Variants in SNRPN observed in about 807,000 individuals in gnomAD.
The protein encoded by SNRPN is small nuclear ribonucleoprotein-associated protein N.
Under a neutral mutation model 25.2 loss-of-function variants are expected in SNRPN, and 7 were observed. The ratio of observed to expected loss-of-function variants is 0.28; its 90% confidence interval spans 0.16 to 0.52. The LOEUF is 0.52. Ranked by LOEUF, SNRPN falls within the 20% of genes least tolerant of loss-of-function variation. SNRPN has a pLI of 0.96. For synonymous variants in SNRPN, 124 were observed against 110.6 expected, an observed-to-expected ratio of 1.12 and a Z score of -0.76; for missense variants, 196 against 322.5, an observed-to-expected ratio of 0.61 and a Z score of 3.00.
intron 2 of SNRPN, among the ~76,000 whole-genome samples, chr15:24,839,742 A>T (rs1220444430): frequency 6.6e-6 from 1 of 152,140 alleles, no homozygotes; most frequent in Non-Finnish European, 1.5e-5. Context: ...CACCATCAGC[A>T]GGCTTGTCTT....
chr15:24,853,721 G>A (rs76208906), upstream of SNRPN, among the ~76,000 whole-genome samples: 2,425 of 152,106 alleles, frequency 0.016, 48 homozygotes, highest in African/African-American at 0.047. Flanking sequence ...GACTACACAG[G>A]GAAATTGCCA....
intron 2 of SNRPN, among the ~76,000 whole-genome samples, chr15:24,834,728 C>CCTCCCTCTCT (rs1555376613): frequency 2.3e-5 from 1 of 42,774 alleles, no homozygotes; most frequent in East Asian, 9.4e-4. Flanking sequence ...TCTCTCTCTC[C>CCTCCCTCTCT]CTCTCTCTCT....
chr15:24,859,895 G>A (rs1325194689), intron 1 of SNRPN, among the ~76,000 whole-genome samples: 3 of 152,210 alleles, frequency 2.0e-5, no homozygotes, highest in Non-Finnish European at 4.4e-5. Flanking sequence ...GTAGCACTGA[G>A]GACGACCAGA....
chr15:24,927,652 C>G (rs755505816), intron 3 of SNRPN, among the ~76,000 whole-genome samples: 9 of 151,890 alleles, frequency 5.9e-5, no homozygotes, highest in Non-Finnish European at 1.2e-4. Flanking sequence ...ATTATTTTAT[C>G]TAATCTACAG....
rs368128808 is a variant in SNRPN, at chr15:24,910,132, C to T, written c.-504-9879C>T. Among the ~76,000 whole-genome samples, 4 of 152,170 alleles carry T rather than the reference C, an allele frequency of 2.6e-5. No individual in the cohort carries two copies. The East Asian group carries it at 5.8e-4, about 22-fold the overall frequency. Reference sequence around the variant, plus strand: ...TGACTGTTCTGGTTGCTAATGGGAGCCTGCCCTGCCACAAACTTGGTGGAA... The same window carrying T: ...TGACTGTTCTGGTTGCTAATGGGAGTCTGCCCTGCCACAAACTTGGTGGAA... On this transcript the variant is annotated intron_variant, in intron 2 of 11. Coordinates refer to the SNRPN transcript ENST00000400097.
intron 2 of SNRPN, among the ~76,000 whole-genome samples, chr15:24,831,367 CTA>C (rs1456221358): frequency 6.6e-6 from 1 of 151,890 alleles, no homozygotes; most frequent in Non-Finnish European, 1.5e-5. Flanking sequence ...GAGGTATTGA[CTA>C]TGTAAAATCT....
chr15:24,827,803 G>A (rs2050211799), intron 1 of SNRPN, among the ~76,000 whole-genome samples: 1 of 150,802 alleles, frequency 6.6e-6, no homozygotes, highest in South Asian at 2.1e-4. Context: ...GGAGGCAGAG[G>A]TTACAGTGAG....
intron 2 of SNRPN, among the ~76,000 whole-genome samples, chr15:24,838,780 G>A (rs1215729080): frequency 1.3e-5 from 2 of 152,028 alleles, no homozygotes; most frequent in Non-Finnish European, 2.9e-5. Context: ...CACCCCACTG[G>A]AAGTATCAGA....
chr15:24,939,411 C>A (rs867653562), intron 3 of SNRPN, among the ~76,000 whole-genome samples: 4 of 152,014 alleles, frequency 2.6e-5, no homozygotes, highest in South Asian at 2.1e-4. Flanking sequence ...AAGACGTTTG[C>A]CCATTTTTAT....
intron 3 of SNRPN, among the ~76,000 whole-genome samples, chr15:24,941,294 A>G (rs1189376079): frequency 3.3e-5 from 5 of 152,204 alleles, no homozygotes; most frequent in African/African-American, 1.2e-4. Context: ...GACATTTTAT[A>G]TACACACAGG....
rs1013617826 is a variant in SNRPN at position 24,862,700 on chromosome 15, C to T, written c.-579+5984C>T. On this transcript the variant is annotated intron_variant, in intron 1 of 11. Coordinates refer to the SNRPN transcript ENST00000400097. Reference sequence around the variant, plus strand: ...AACTAAACTGCAAGTGCAAGAGCTGCCCTTAGGAACTCAGGGGACAGGCAT... The same window carrying T: ...AACTAAACTGCAAGTGCAAGAGCTGTCCTTAGGAACTCAGGGGACAGGCAT... 1.3e-5 allele frequency among the ~76,000 whole-genome samples: 2 copies of T among 150,936 alleles called. 1 individual carries two copies. The highest frequency in any genetic ancestry group is 5.0e-5 in the African/African-American group (2 of 40,348).
At chr15:24,840,849 C>A (rs1057098304) in intron 2 of SNRPN, among the ~76,000 whole-genome samples, 4 of 152,040 alleles carry the variant, frequency 2.6e-5, no homozygotes, top group African/African-American at 9.7e-5. Flanking sequence ...TGGGTTGTCA[C>A]TTTTTTCTTT....
intron 2 of SNRPN, among the ~76,000 whole-genome samples, chr15:24,888,308 G>C (rs965799001): frequency 2.6e-5 from 4 of 151,892 alleles, no homozygotes; most frequent in Non-Finnish European, 5.9e-5. Context: ...AGGTTTCACT[G>C]TCTTGGCCAG....
chr15:24,924,725 G>A (rs1162009147), intron 3 of SNRPN, among the ~76,000 whole-genome samples: 1 of 151,786 alleles, frequency 6.6e-6, no homozygotes, highest in East Asian at 1.9e-4. Flanking sequence ...CTGACCTCAA[G>A]TGATCCTCCT....
chr15:24,911,510 T>A (rs2059214547), intron 2 of SNRPN, among the ~76,000 whole-genome samples: 1 of 152,148 alleles, frequency 6.6e-6, no homozygotes, highest in African/African-American at 2.4e-5. Flanking sequence ...GCCTCATGTA[T>A]CTGCTCCCTG....
chr15:24,831,360 G>C (rs1025671391), intron 2 of SNRPN, among the ~76,000 whole-genome samples: 3 of 151,716 alleles, frequency 2.0e-5, no homozygotes, highest in Non-Finnish European at 4.4e-5. Context: ...AAAATTTGAG[G>C]TATTGACTAT....
chr15:24,937,348 A>T (rs2061297621), intron 3 of SNRPN, among the ~76,000 whole-genome samples: 1 of 152,226 alleles, frequency 6.6e-6, no homozygotes. Context: ...TTTACAAAAC[A>T]AAACAAAACA....
At chr15:24,863,701 C>G (rs375505390) in intron 1 of SNRPN, among the ~76,000 whole-genome samples, 1 of 150,694 alleles carries the variant, frequency 6.6e-6, no homozygotes, top group Non-Finnish European at 1.5e-5. Context: ...CTAATCATTC[C>G]TGAAGATTCA....
chr15:24,868,618 G>C (rs2054813690), intron 1 of SNRPN, among the ~76,000 whole-genome samples: 1 of 152,160 alleles, frequency 6.6e-6, no homozygotes, highest in Non-Finnish European at 1.5e-5. Flanking sequence ...TGCCAATCTA[G>C]GGTCTGCTTG....
Sources: gnomAD v4.1 joint callset for allele counts (sites outside exome capture counted in the v4.1 genomes callset) on GRCh38, gnomAD v4.1.1 for gene constraint, MANE v1.5 for transcripts, NCBI Gene and HGNC (gene_info 2026-07-23, HGNC 2026-07-21) for gene names.